Variants in NKAIN2 observed in about 807,000 individuals in gnomAD.
The protein encoded by NKAIN2 is sodium/potassium-transporting ATPase subunit beta-1-interacting protein 2.
In NKAIN2, 14 loss-of-function variants were observed where a neutral mutation model predicts 32.6. That is an observed-to-expected ratio of 0.43 (90% confidence interval 0.28 to 0.67). The LOEUF (loss-of-function observed/expected upper bound fraction) is 0.67. Among genes scored for constraint, NKAIN2 ranks in the 30% least tolerant of loss-of-function variants. The probability of loss-of-function intolerance (pLI) is 0.17; values close to 1 mark genes in which losing one functional copy is unlikely to be tolerated. For missense variants in NKAIN2, 198 were observed against 258.3 expected, an observed-to-expected ratio of 0.77 and a Z score of 1.60; for synonymous variants, 80 against 87.2, an observed-to-expected ratio of 0.92 and a Z score of 0.46.
chr6:124,288,687 T>C (rs1358873877), intron 2 of NKAIN2, among the ~76,000 whole-genome samples: 1 of 152,170 alleles, frequency 6.6e-6, no homozygotes, highest in Admixed American at 6.6e-5. Flanking sequence ...ATAAGTTATA[T>C]CTAATATCCA....
At chr6:124,529,120 GAA>G (rs1034663272) in intron 3 of NKAIN2, among the ~76,000 whole-genome samples, 2 of 152,110 alleles carry the variant, frequency 1.3e-5, no homozygotes, top group African/African-American at 4.8e-5. Flanking sequence ...TCCAGGTAAA[GAA>G]ATAATTTCTT....
chr6:124,819,770 C>T (rs1266482009), intron 6 of NKAIN2, among the ~76,000 whole-genome samples: 1 of 152,004 alleles, frequency 6.6e-6, no homozygotes, highest in Non-Finnish European at 1.5e-5. Context: ...TGTTTGAGTC[C>T]CAACCATATG....
chr6:124,235,857 A>G (rs575239549), intron 1 of NKAIN2, among the ~76,000 whole-genome samples: 1 of 152,188 alleles, frequency 6.6e-6, no homozygotes, highest in African/African-American at 2.4e-5. Context: ...TCAGCCTCCC[A>G]AAGTGCTCAG....
At chr6:123,847,663 G>A (rs1039133569) in intron 1 of NKAIN2, among the ~76,000 whole-genome samples, 2 of 152,102 alleles carry the variant, frequency 1.3e-5, no homozygotes. Context: ...CTCATAAACA[G>A]ATGAGAATGA....
intron 1 of NKAIN2, among the ~76,000 whole-genome samples, chr6:123,917,798 T>C (rs1397797171): frequency 2.0e-5 from 3 of 152,142 alleles, no homozygotes; most frequent in African/African-American, 7.2e-5. Flanking sequence ...TTAATGTTAA[T>C]CCCTAATACC....
At chr6:124,239,222 C>A (rs1792943982) in intron 1 of NKAIN2, among the ~76,000 whole-genome samples, 1 of 152,002 alleles carries the variant, frequency 6.6e-6, no homozygotes, top group Non-Finnish European at 1.5e-5. Flanking sequence ...TATATATGCA[C>A]CCAATACAGG....
chr6:123,887,090 T>C (rs1052275239), intron 1 of NKAIN2, among the ~76,000 whole-genome samples: 3 of 152,142 alleles, frequency 2.0e-5, no homozygotes, highest in African/African-American at 7.2e-5. Flanking sequence ...ATTAGACTAT[T>C]TTGTAGTTAG....
chr6:124,482,457 C>T lies in NKAIN2; in HGVS notation c.273+127110C>T, dbSNP rs545205115. Among the ~76,000 whole-genome samples, 54 of 152,206 alleles carry T rather than the reference C, an allele frequency of 3.5e-4. No individual in the cohort carries two copies. In the South Asian group the frequency reaches 6.2e-3, roughly 18 times the overall value. On this transcript the variant is annotated intron_variant, in intron 3 of 6. Coordinates refer to ENST00000368417, the MANE Select transcript of NKAIN2 (RefSeq NM_001040214.3). ...ACATGAACTCAGCCAAAGTGTAGACCACAAAAGTCATGCCTCTCCATCTTC... is the reference window on the plus strand; with the variant it reads ...ACATGAACTCAGCCAAAGTGTAGACTACAAAAGTCATGCCTCTCCATCTTC...
intron 1 of NKAIN2, among the ~76,000 whole-genome samples, chr6:124,084,691 A>C (rs1053958149): frequency 6.6e-6 from 1 of 152,032 alleles, no homozygotes; most frequent in South Asian, 2.1e-4. Flanking sequence ...CTTGTAGAAA[A>C]CAAGTCTTAG....
chr6:124,093,491 T>A (rs886369560), intron 1 of NKAIN2, among the ~76,000 whole-genome samples: 1 of 152,142 alleles, frequency 6.6e-6, no homozygotes, highest in Non-Finnish European at 1.5e-5. Flanking sequence ...ACCTAGTACA[T>A]AACCTTCAAC....
chr6:124,171,248 G>A (rs1427510786), intron 1 of NKAIN2, among the ~76,000 whole-genome samples: 4 of 151,884 alleles, frequency 2.6e-5, no homozygotes, highest in Admixed American at 2.6e-4. Flanking sequence ...AATTCTGTTG[G>A]CAGAAAGACA....
In NKAIN2 at chr6:124,018,648, A is replaced by G. The variant is rs979499665; in HGVS notation, c.54+214394A>G. Among the ~76,000 whole-genome samples, 4 of 152,234 alleles carry G rather than the reference A, an allele frequency of 2.6e-5. No individual in the cohort carries two copies. In the South Asian group the frequency reaches 6.2e-4, roughly 24 times the overall value. On this transcript the variant is annotated intron_variant, in intron 1 of 6. Coordinates refer to ENST00000368417, the MANE Select transcript of NKAIN2 (RefSeq NM_001040214.3). The stretch of plus-strand genomic sequence containing the variant: ...AGAGTCACCTTTGCACCAGTTCCCA[A>G]CAAGTTCCTCATCTCCATCTGAGGC...
intron 1 of NKAIN2, among the ~76,000 whole-genome samples, chr6:123,929,789 T>C (rs1209699071): frequency 6.6e-6 from 1 of 152,044 alleles, no homozygotes; most frequent in African/African-American, 2.4e-5. Context: ...AGATTTCAGA[T>C]TTTTTTAGGG....
intron 3 of NKAIN2, among the ~76,000 whole-genome samples, chr6:124,641,038 T>C (rs936155468): frequency 3.9e-5 from 6 of 152,166 alleles, no homozygotes; most frequent in South Asian, 2.1e-4. Context: ...TGTGAACATA[T>C]CGGGTTTAAC....
At chr6:124,358,120 G>A (rs1484014552) in intron 3 of NKAIN2, among the ~76,000 whole-genome samples, 1 of 152,084 alleles carries the variant, frequency 6.6e-6, no homozygotes, top group South Asian at 2.1e-4. Flanking sequence ...ATTTTTTATG[G>A]CTGCATAGTA....
At chr6:124,060,745 G>T (rs554637381) in intron 1 of NKAIN2, among the ~76,000 whole-genome samples, 1 of 151,978 alleles carries the variant, frequency 6.6e-6, no homozygotes, top group Admixed American at 6.6e-5. Flanking sequence ...AAATTTCATC[G>T]TCAGTGTTTA....
At chr6:124,673,908 G>A (rs1234745431) in intron 4 of NKAIN2, among the ~76,000 whole-genome samples, 1 of 151,570 alleles carries the variant, frequency 6.6e-6, no homozygotes, top group Non-Finnish European at 1.5e-5. Context: ...TCTATTTTTT[G>A]TGGTTGCTTG....
rs144613001 is a variant in NKAIN2, at chr6:123,819,711, A to T, written c.54+15457A>T. ...CATACCAGCAGGGTAATTATTTAGGATGCACTTCCAGTAAAGAGATGTTAA... is the reference window on the plus strand; with the variant it reads ...CATACCAGCAGGGTAATTATTTAGGTTGCACTTCCAGTAAAGAGATGTTAA... On this transcript the variant is annotated intron_variant, in intron 1 of 6. Transcript: ENST00000368417. Among the ~76,000 whole-genome samples, 65 of 152,260 alleles carry T rather than the reference A, an allele frequency of 4.3e-4. 1 individual carries two copies. The highest frequency in any genetic ancestry group is 1.3e-3 in the African/African-American group (54 of 41,558).
At chr6:124,015,589 A>G (rs143969679) in intron 1 of NKAIN2, among the ~76,000 whole-genome samples, 123 of 152,292 alleles carry the variant, frequency 8.1e-4, no homozygotes, top group African/African-American at 2.7e-3. Flanking sequence ...GAGAACAAAA[A>G]CACCGTGAGG....
Sources: allele counts gnomAD v4.1 joint callset (sites outside exome capture counted in the v4.1 genomes callset), GRCh38; gene constraint gnomAD v4.1.1; transcripts MANE v1.5; gene names NCBI Gene and HGNC (gene_info 2026-07-23, HGNC 2026-07-21).